Variants in THRB observed in about 807,000 individuals in gnomAD.
THRB encodes nuclear receptor subfamily 1 group A member 2.
THRB carries 12 observed loss-of-function variants against 47.8 expected under a neutral mutation model. That is an observed-to-expected ratio of 0.25 (90% CI 0.16 to 0.41). The LOEUF is 0.41. Among genes scored for constraint, THRB ranks in the 10% least tolerant of loss-of-function variants. The probability of loss-of-function intolerance (pLI) is 1.00; values close to 1 mark genes in which losing one functional copy is unlikely to be tolerated. For synonymous variants in THRB, 218 were observed against 212.2 expected (o/e 1.03, Z -0.24); for missense variants, 348 against 589.2 (o/e 0.59, Z 4.24).
At chr3:24,429,243 A>G (rs2070111913) in intron 1 of THRB, among the ~76,000 whole-genome samples, 1 of 150,614 alleles carries the variant, frequency 6.6e-6, no homozygotes, top group Non-Finnish European at 1.5e-5. Flanking sequence ...TATTTGACAT[A>G]TATACTATAT....
At position 24,121,442 on chromosome 3, in the gene THRB, T is replaced by C. The variant is rs1219813620; in HGVS notation, c.*1442A>G. 1 of 152,656 alleles carries C rather than the reference T, an allele frequency of 6.6e-6. No individual in the cohort carries two copies. The allele number at this position is 152,656 out of a possible 1,614,324, so 9.5% of individuals were successfully genotyped here. A position where few individuals can be genotyped will look rare whatever the true frequency, so the allele number is the denominator to read the frequency against. ...AAGGTAGGCAAAGGAATAGTTTATA[T>C]CTACTATGCCAGTGGAGAATGAGAT... On this transcript the variant is annotated 3_prime_UTR_variant, in exon 11 of 11. Transcript: ENST00000646209.
chr3:24,457,650 G>A (rs2073312924), intron 1 of THRB, among the ~76,000 whole-genome samples: 1 of 152,142 alleles, frequency 6.6e-6, no homozygotes, highest in African/African-American at 2.4e-5. Flanking sequence ...CTGTGCAAGT[G>A]TTTTCTCAGA....
intron 2 of THRB, among the ~76,000 whole-genome samples, chr3:24,318,784 A>C (rs2058290846): frequency 6.6e-6 from 1 of 152,202 alleles, no homozygotes; most frequent in African/African-American, 2.4e-5. Context: ...ATTGTTTATC[A>C]AGGCCATGCC....
At chr3:24,188,675 G>A (rs1406260371) in intron 5 of THRB, among the ~76,000 whole-genome samples, 1 of 151,940 alleles carries the variant, frequency 6.6e-6, no homozygotes. Flanking sequence ...CCCATACAAT[G>A]TTGAGATACA....
At chr3:24,357,637 G>A (rs756766670) in intron 1 of THRB, among the ~76,000 whole-genome samples, 5 of 151,442 alleles carry the variant, frequency 3.3e-5, no homozygotes, top group Non-Finnish European at 7.4e-5. Flanking sequence ...ATTTTGTTTG[G>A]CCCTTAATTT....
At chr3:24,383,966 G>A (rs1288900562) in intron 1 of THRB, among the ~76,000 whole-genome samples, 5 of 152,108 alleles carry the variant, frequency 3.3e-5, no homozygotes, top group Non-Finnish European at 7.4e-5. Flanking sequence ...TCAGCAATTA[G>A]GAAAGAATTC....
intron 2 of THRB, among the ~76,000 whole-genome samples, chr3:24,317,289 A>G (rs1266742806): frequency 6.6e-6 from 1 of 152,152 alleles, no homozygotes; most frequent in African/African-American, 2.4e-5. Context: ...GAAGTAAACA[A>G]GTTGCTACAT....
intron 1 of THRB, among the ~76,000 whole-genome samples, chr3:24,367,525 T>C (rs2064563385): frequency 6.6e-6 from 1 of 152,204 alleles, no homozygotes; most frequent in African/African-American, 2.4e-5. Flanking sequence ...GCCTTTGGGT[T>C]CTGGGCTCAG....
At chr3:24,247,490 A>C (rs1157095063) in intron 3 of THRB, among the ~76,000 whole-genome samples, 2 of 152,220 alleles carry the variant, frequency 1.3e-5, no homozygotes, top group East Asian at 3.8e-4. Flanking sequence ...TCCCTTGCCC[A>C]AAACTGCAAG....
intron 1 of THRB, among the ~76,000 whole-genome samples, chr3:24,448,119 C>T (rs1437380888): frequency 6.6e-6 from 1 of 151,936 alleles, no homozygotes; most frequent in Non-Finnish European, 1.5e-5. Flanking sequence ...TCCTTCTTTC[C>T]ACATGTGCCA....
chr3:24,412,415 A>T (rs2068378553), intron 1 of THRB, among the ~76,000 whole-genome samples: 2 of 151,848 alleles, frequency 1.3e-5, no homozygotes, highest in Non-Finnish European at 2.9e-5. Flanking sequence ...AACAGTAAAG[A>T]GATGGATTAC....
At chr3:24,375,892 A>G (rs2065253426) in intron 1 of THRB, among the ~76,000 whole-genome samples, 1 of 152,104 alleles carries the variant, frequency 6.6e-6, no homozygotes, top group Non-Finnish European at 1.5e-5. Flanking sequence ...CCATATCCCA[A>G]TTTAAAAGAA....
intron 1 of THRB, among the ~76,000 whole-genome samples, chr3:24,474,850 T>C (rs1007080713): frequency 6.6e-6 from 1 of 152,222 alleles, no homozygotes; most frequent in Non-Finnish European, 1.5e-5. Flanking sequence ...CTGTATCAGA[T>C]AGGTGACTGC....
chr3:24,218,678 C>T lies in THRB; in HGVS notation c.22+10260G>A, dbSNP rs147785399. 2.0e-5 allele frequency among the ~76,000 whole-genome samples: 3 copies of T among 152,068 alleles called. No individual in the cohort carries two copies. In the South Asian group the frequency reaches 6.2e-4, roughly 32 times the overall value. ...GTATGTTGTGCCCCAGTGCTCCAGA[C>T]TCTATGTTAAGTGATTTATATAAAT... On this transcript the variant is annotated intron_variant, in intron 4 of 10. Coordinates refer to ENST00000646209, the MANE Select transcript of THRB (RefSeq NM_001354712.2).
At chr3:24,229,812 G>C (rs993440640) in intron 3 of THRB, among the ~76,000 whole-genome samples, 2 of 152,220 alleles carry the variant, frequency 1.3e-5, no homozygotes, top group Non-Finnish European at 2.9e-5. Context: ...TCTGTGGCCA[G>C]TGGTAGATGG....
chr3:24,156,585 G>C (rs2037876056), intron 5 of THRB, among the ~76,000 whole-genome samples: 1 of 152,212 alleles, frequency 6.6e-6, no homozygotes, highest in South Asian at 2.1e-4. Flanking sequence ...AGGGGCTGTG[G>C]TTTGCGGTAG....
At chr3:24,353,392 A>C (rs867959032) in intron 1 of THRB, among the ~76,000 whole-genome samples, 1 of 152,144 alleles carries the variant, frequency 6.6e-6, no homozygotes, top group Non-Finnish European at 1.5e-5. Flanking sequence ...GCAATAGACA[A>C]ATCTCTATAG....
chr3:24,461,970 G>A (rs764828257), intron 1 of THRB, among the ~76,000 whole-genome samples: 10 of 152,100 alleles, frequency 6.6e-5, no homozygotes, highest in Non-Finnish European at 1.5e-4. Context: ...GATACATTTA[G>A]TGAAAAAAGA....
chr3:24,260,821 A>C (rs2051883318), intron 3 of THRB, among the ~76,000 whole-genome samples: 1 of 152,158 alleles, frequency 6.6e-6, no homozygotes, highest in Non-Finnish European at 1.5e-5. Flanking sequence ...ATAATTCCCT[A>C]CAATTCTTAG....
Sources: gnomAD v4.1 joint callset for allele counts (sites outside exome capture counted in the v4.1 genomes callset) on GRCh38, gnomAD v4.1.1 for gene constraint, MANE v1.5 for transcripts, NCBI Gene and HGNC (gene_info 2026-07-23, HGNC 2026-07-21) for gene names.